Variants in BAG3 observed in about 807,000 individuals in gnomAD.
BAG3 encodes BAG family molecular chaperone regulator 3.
A neutral mutation model predicts 40.5 loss-of-function variants in BAG3; 14 were observed. That is an observed-to-expected ratio of 0.35 (90% CI 0.23 to 0.54). The LOEUF (loss-of-function observed/expected upper bound fraction) is 0.54. Ranked by LOEUF, BAG3 falls within the 20% of genes least tolerant of loss-of-function variation. The pLI, the probability that BAG3 is intolerant of heterozygous loss-of-function variation, is 0.91. For missense variants in BAG3, 788 were observed against 758.6 expected (o/e 1.04, Z -0.46); for synonymous variants, 302 against 307.8 (o/e 0.98, Z 0.20).
chr10:119,665,833 GA>G (rs1461168144), intron 1 of BAG3, among the ~76,000 whole-genome samples: 3 of 152,054 alleles, frequency 2.0e-5, no homozygotes, highest in African/African-American at 7.3e-5. Flanking sequence ...CACCAGAGTA[GA>G]AGGGGAGCCT....
In BAG3 at chr10:119,676,647, A is replaced by C. The variant is rs980893520; in HGVS notation, c.1093A>C (p.Lys365Gln). The C allele has an allele frequency of 1.2e-6, 2 of 1,614,134 alleles. No individual in the cohort carries two copies. Among genetic ancestry groups the C allele is most frequent in the Non-Finnish European group, 1.7e-6 (2 of 1,180,022 alleles). The change falls in exon 4 of 4, where the codon AAA becomes CAA. Residue 365 changes from lysine (K) to glutamine (Q), a missense_variant. Coordinates refer to ENST00000369085, the MANE Select transcript of BAG3 (RefSeq NM_004281.4). ...PPPPSEKVEV[K>Q]VPPAPVPCPP... ...ACCTCCCTCTGAGAAGGTAGAGGTG[A>C]AAGTTCCCCCTGCTCCAGTTCCTTG...
At chr10:119,675,804 C>CCTG (rs1847215592) in intron 3 of BAG3, among the ~76,000 whole-genome samples, 1 of 46,434 alleles carries the variant, frequency 2.2e-5, no homozygotes, top group African/African-American at 7.8e-5. Context: ...CCTTCCCCTT[C>CCTG]CCCCCTTCCC....
At chr10:119,657,578 G>A (rs1037872808) in intron 1 of BAG3, 22 of 471,092 alleles carry the variant, frequency 4.7e-5, no homozygotes, top group Non-Finnish European at 7.0e-5. Flanking sequence ...GGTGTGTCCC[G>A]GGAAGCCTTC....
chr10:119,663,569 C>T (rs1281582771), intron 1 of BAG3, among the ~76,000 whole-genome samples: 2 of 152,158 alleles, frequency 1.3e-5, no homozygotes, highest in African/African-American at 2.4e-5. Context: ...CCGCCTCGGC[C>T]TCCCAAAGTG....
intron 1 of BAG3, among the ~76,000 whole-genome samples, chr10:119,668,780 A>C (rs1847101686): frequency 6.6e-6 from 1 of 152,264 alleles, no homozygotes; most frequent in African/African-American, 2.4e-5. Flanking sequence ...CGTTGAAGAA[A>C]AAGTTCTTCA....
At chr10:119,654,347 TGAG>T (rs1846882553) in intron 1 of BAG3, among the ~76,000 whole-genome samples, 1 of 152,194 alleles carries the variant, frequency 6.6e-6, no homozygotes. Context: ...TCATTGAGCA[TGAG>T]GAGCTCAAGA....
chr10:119,677,106 G>A lies in BAG3; in HGVS notation c.1552G>A (p.Asp518Asn), dbSNP rs768921901. ...ACTCCAGCCCAGCAACCTTGAAGCA[G>A]ATCAGCCACTGCAGGCAATCATGGA... ...YELQPSNLEA[D>N]QPLQAIMEMG... The change falls in exon 4 of 4, where the codon GAT becomes AAT. Residue 518 changes from aspartate to asparagine, a missense_variant. Asp to Asn is a conservative substitution (Grantham distance 23). Coordinates refer to ENST00000369085, the MANE Select transcript of BAG3 (RefSeq NM_004281.4). 6.2e-7 allele frequency: 1 copy of A among 1,614,180 alleles called. No homozygotes were observed. Among genetic ancestry groups the A allele is most frequent in the Non-Finnish European group, 8.5e-7 (1 of 1,180,030 alleles).
At position 119,670,014 on chromosome 10, in the gene BAG3, C is replaced by T; in HGVS notation, c.344C>T (p.Pro115Leu). ...CAGGTGCACCCTTTCCATGTCTATCCCCAGCCTGGGATGCAGCGATTCCGA... is the reference window on the plus strand; with the variant it reads ...CAGGTGCACCCTTTCCATGTCTATCTCCAGCCTGGGATGCAGCGATTCCGA... ...NRQVHPFHVY[P>L]QPGMQRFRTE... The change falls in exon 2 of 4, where the codon CCC (proline) becomes CTC (leucine). Residue 115 changes from proline to leucine, a missense_variant. Transcript: ENST00000369085. The T allele has an allele frequency of 6.2e-7, 1 of 1,614,252 alleles. No individual in the cohort carries two copies. Among genetic ancestry groups the T allele is most frequent in the Non-Finnish European group, 8.5e-7 (1 of 1,180,044 alleles).
At chr10:119,652,949 GTTATAC>G (rs1050770995) in intron 1 of BAG3, among the ~76,000 whole-genome samples, 6 of 152,178 alleles carry the variant, frequency 3.9e-5, no homozygotes, top group Non-Finnish European at 7.3e-5. Flanking sequence ...AAATAAATAT[GTTATAC>G]TTAAAGCTGA....
intron 1 of BAG3, among the ~76,000 whole-genome samples, chr10:119,668,560 C>T (rs940190567): frequency 1.3e-5 from 2 of 152,242 alleles, no homozygotes; most frequent in Non-Finnish European, 2.9e-5. Flanking sequence ...ACTGTTAGGA[C>T]TTCTGTTGCG....
At chr10:119,657,188 T>C (rs925020307) in intron 1 of BAG3, among the ~76,000 whole-genome samples, 6 of 152,172 alleles carry the variant, frequency 3.9e-5, no homozygotes, top group African/African-American at 1.4e-4. Flanking sequence ...TTACCCCATC[T>C]GAAATTCACT....
intron 1 of BAG3, among the ~76,000 whole-genome samples, chr10:119,663,503 T>C (rs1589625595): frequency 1.3e-5 from 2 of 152,094 alleles, no homozygotes; most frequent in African/African-American, 4.8e-5. Context: ...GGTTTTGTCA[T>C]TTTGGACAGG....
At chr10:119,659,767 A>G (rs1168845719) in intron 1 of BAG3, among the ~76,000 whole-genome samples, 2 of 152,224 alleles carry the variant, frequency 1.3e-5, no homozygotes, top group Non-Finnish European at 1.5e-5. Flanking sequence ...CAGGTGGCTG[A>G]CCATTCCATT....
intron 1 of BAG3, among the ~76,000 whole-genome samples, chr10:119,663,948 A>G (rs1847025654): frequency 6.6e-6 from 1 of 152,058 alleles, no homozygotes; most frequent in Non-Finnish European, 1.5e-5. Context: ...GTGCTGGAGA[A>G]CCACTGCTTT....
chr10:119,658,041 G>A (rs1194624105), intron 1 of BAG3, among the ~76,000 whole-genome samples: 1 of 152,252 alleles, frequency 6.6e-6, no homozygotes, highest in African/African-American at 2.4e-5. Flanking sequence ...CCAGTGAACT[G>A]GGGAGACTTT....
At chr10:119,669,761 C>T in intron 1 of BAG3, 90 bp from the exon 2 acceptor site, 1 of 1,348,438 alleles carries the variant, frequency 7.4e-7, no homozygotes, top group Non-Finnish European at 1.1e-6. Flanking sequence ...TCGGGAAGAT[C>T]ACAATGCCAA....
chr10:119,663,610 G>A (rs7080688), intron 1 of BAG3, among the ~76,000 whole-genome samples: 1,830 of 152,148 alleles, frequency 0.012, 32 homozygotes, highest in African/African-American at 0.042. Flanking sequence ...CACCGGACCC[G>A]GGCCCTCCTC....
intron 1 of BAG3, among the ~76,000 whole-genome samples, chr10:119,659,618 C>T (rs748169195): frequency 9.9e-5 from 15 of 152,220 alleles, no homozygotes; most frequent in Non-Finnish European, 2.1e-4. Flanking sequence ...AGAGGGTCCC[C>T]TTGCCTGCAT....
rs1847256987 is a variant in BAG3, at chr10:119,677,450, T to A, written c.*168T>A. 2.5e-6 allele frequency: 2 copies of A among 808,188 alleles called. No homozygotes were observed. Among genetic ancestry groups the A allele is most frequent in the Non-Finnish European group, 4.1e-6 (2 of 488,276 alleles). The allele number at this position is 808,188 out of a possible 1,614,324, so 50.1% of individuals were successfully genotyped here. A position where few individuals can be genotyped will look rare whatever the true frequency, so the allele number is the denominator to read the frequency against. On this transcript the variant is annotated 3_prime_UTR_variant, in exon 4 of 4. Coordinates refer to ENST00000369085, the MANE Select transcript of BAG3 (RefSeq NM_004281.4). ...AAAGGGCTAAAAAGGAAAATGATGC[T>A]TTTCTTCTATATTCTTACTCTGTAC...
Sources: allele counts gnomAD v4.1 joint callset (sites outside exome capture counted in the v4.1 genomes callset), GRCh38; gene constraint gnomAD v4.1.1; transcripts MANE v1.5; gene names NCBI Gene and HGNC (gene_info 2026-07-23, HGNC 2026-07-21).